Variants in FRYL observed in about 807,000 individuals in gnomAD.
FRYL encodes FRY like transcription coactivator, also known as protein furry homolog-like.
In FRYL, 150 loss-of-function variants were observed where a neutral mutation model predicts 351.2. The observed-to-expected ratio is 0.43, with a 90% CI of 0.37 to 0.49. The LOEUF (loss-of-function observed/expected upper bound fraction) is 0.49. Ranked by LOEUF, FRYL falls within the 20% of genes least tolerant of loss-of-function variation. The probability of loss-of-function intolerance (pLI) is 0.00; values close to 1 mark genes in which losing one functional copy is unlikely to be tolerated. For synonymous variants in FRYL, 1,153 were observed against 1,257.1 expected, an observed-to-expected ratio of 0.92 and a Z score of 1.75; for missense variants, 3,036 against 3,619.3, an observed-to-expected ratio of 0.84 and a Z score of 4.13.
intron 30 of FRYL, among the ~76,000 whole-genome samples, chr4:48,564,426 T>C (rs1736265828): frequency 6.6e-6 from 1 of 152,238 alleles, no homozygotes; most frequent in Non-Finnish European, 1.5e-5. Context: ...ATTATTTTTA[T>C]CAAGCTTTAT....
intron 1 of FRYL, among the ~76,000 whole-genome samples, chr4:48,769,863 T>TCA (rs1292075321): frequency 6.6e-6 from 1 of 152,158 alleles, no homozygotes; most frequent in African/African-American, 2.4e-5. Context: ...TGAGACATTC[T>TCA]CAAAATGATA....
intron 1 of FRYL, among the ~76,000 whole-genome samples, chr4:48,779,817 G>A (rs1020874169): frequency 2.0e-5 from 3 of 150,374 alleles, no homozygotes; most frequent in East Asian, 2.0e-4. Context: ...CGGAACCGCC[G>A]GAGCTCGGGC....
intron 56 of FRYL, among the ~76,000 whole-genome samples, chr4:48,514,714 C>T (rs1489953644): frequency 6.6e-6 from 1 of 152,178 alleles, no homozygotes; most frequent in Non-Finnish European, 1.5e-5. Flanking sequence ...TAACATTTGG[C>T]CATTTGGCAT....
At chr4:48,546,038 G>A (rs1252566593) in intron 42 of FRYL, 29 bp downstream of exon 42, 10 of 1,587,770 alleles carry the variant, frequency 6.3e-6, no homozygotes, top group Non-Finnish European at 8.6e-6. Flanking sequence ...CACATACACT[G>A]CTGGGATGAT....
chr4:48,690,286 C>A (rs1285176934), intron 2 of FRYL, among the ~76,000 whole-genome samples: 1 of 151,944 alleles, frequency 6.6e-6, no homozygotes, highest in Non-Finnish European at 1.5e-5. Context: ...CAGCCTTCAA[C>A]CCTCAATAGA....
Position 48,521,045 on chromosome 4 carries a change from C to T in FRYL, c.7689+3G>A. 1 of 1,606,832 alleles carries T rather than the reference C, an allele frequency of 6.2e-7. No individual in the cohort carries two copies. Among genetic ancestry groups the T allele is most frequent in the Non-Finnish European group, 8.5e-7 (1 of 1,176,264 alleles). On this transcript the variant is annotated splice_donor_region_variant and intron_variant, in intron 55 of 63. Transcript: ENST00000358350. Reference sequence around the variant, plus strand: ...CCATGCACCAGCCTCCATTTCTCCCCACCTCAGGCAGCCGGCTGTTAGCAT... The same window carrying T: ...CCATGCACCAGCCTCCATTTCTCCCTACCTCAGGCAGCCGGCTGTTAGCAT...
intron 60 of FRYL, among the ~76,000 whole-genome samples, chr4:48,504,339 C>T (rs778692936): frequency 6.6e-6 from 1 of 152,036 alleles, no homozygotes; most frequent in Non-Finnish European, 1.5e-5. Context: ...GTTTCCACTT[C>T]GTAGAAAACC....
intron 1 of FRYL, among the ~76,000 whole-genome samples, chr4:48,740,289 ATTTTTTTTTTT>A (rs71191255): frequency 5.1e-5 from 5 of 97,896 alleles, no homozygotes; most frequent in South Asian, 3.8e-4. Flanking sequence ...AAACAATCTG[ATTTTTTTTTTT>A]TTTTTTTTTT....
intron 30 of FRYL, among the ~76,000 whole-genome samples, chr4:48,564,308 C>T (rs1428258964): frequency 1.3e-5 from 2 of 152,160 alleles, no homozygotes; most frequent in Non-Finnish European, 2.9e-5. Flanking sequence ...TCGCTTTTTA[C>T]GCGAGCCTCT....
At chr4:48,651,330 TGTGTGTGTG>T (rs1560789253) in intron 3 of FRYL, among the ~76,000 whole-genome samples, 2 of 137,850 alleles carry the variant, frequency 1.5e-5, no homozygotes, top group Non-Finnish European at 3.2e-5. Flanking sequence ...TGTGTGTGTG[TGTGTGTGTG>T]TAGTGGTAGA....
rs140777128 is a variant in FRYL, at chr4:48,621,194, C to T, written c.175-416G>A. Among the ~76,000 whole-genome samples, 605 of 152,270 alleles carry T rather than the reference C, an allele frequency of 4.0e-3. 4 individuals carry two copies. The highest frequency in any genetic ancestry group is 6.6e-3 in the Non-Finnish European group (449 of 68,002). On this transcript the variant is annotated intron_variant, in intron 5 of 63. Transcript: ENST00000358350. The stretch of plus-strand genomic sequence containing the variant: ...TATTGCCACTACATGGATGAAAAGA[C>T]AGAAACAAAGACTACATTATGTAAG...
Position 48,549,443 on chromosome 4 carries a change from A to G in FRYL, c.4784+30T>C, listed in dbSNP as rs778089286. 1.3e-5 allele frequency: 21 copies of G among 1,579,544 alleles called. No individual in the cohort carries two copies. The highest frequency in any genetic ancestry group is 1.3e-4 in the South Asian group (11 of 85,450). On this transcript the variant is annotated intron_variant, in intron 39 of 63. Transcript: ENST00000358350. This position sits in a 1 kb window ranked among gnomAD's most constrained non-coding sequence, Gnocchi z 4.2. ...ACAGTGTTCAGCAGCAACTTGGTGC[A>G]TATGTAAAAGGAATGACGCTGTAGT...
chr4:48,683,372 A>G (rs1216639335), intron 3 of FRYL, among the ~76,000 whole-genome samples: 1 of 152,018 alleles, frequency 6.6e-6, no homozygotes, highest in African/African-American at 2.4e-5. Flanking sequence ...TACCTATGTA[A>G]CAAACCTGCA....
rs547574917 is a variant in FRYL at position 48,750,408 on chromosome 4, T to C, written c.-384+29670A>G. On this transcript the variant is annotated intron_variant, in intron 1 of 63. Coordinates refer to ENST00000358350, the MANE Select transcript of FRYL (RefSeq NM_015030.2). ...CCTGGGAGGTTGAGGCTGCAGTGAG[T>C]TGAGATTACACCACTGCACTCCAGC... 2.0e-4 allele frequency among the ~76,000 whole-genome samples: 29 copies of C among 146,438 alleles called. No homozygotes were observed. The South Asian group carries it at 6.3e-3, about 32-fold the overall frequency.
intron 3 of FRYL, among the ~76,000 whole-genome samples, chr4:48,658,060 A>C (rs1213735351): frequency 6.6e-6 from 1 of 152,230 alleles, no homozygotes; most frequent in Non-Finnish European, 1.5e-5. Context: ...CATACATACC[A>C]GGAAAAATTC....
rs1158957968 is a variant in FRYL, at chr4:48,499,296, A to ATTAG, written c.*122_*125dup. ...TTTGTTTTTGATGATACAGTTTGAC[A>ATTAG]TTAGTTACACTAAAAAGTAGATGCT... is the stretch of plus-strand genomic sequence containing the variant. On this transcript the variant is annotated 3_prime_UTR_variant, in exon 64 of 64. Coordinates refer to ENST00000358350, the MANE Select transcript of FRYL (RefSeq NM_015030.2). 1.4e-5 allele frequency: 11 copies of ATTAG among 774,030 alleles called. No homozygotes were observed. Among genetic ancestry groups the ATTAG allele is most frequent in the Middle Eastern group, 2.8e-4 (1 of 3,600 alleles). The allele number at this position is 774,030 out of a possible 1,614,324, so 47.9% of individuals were successfully genotyped here.
At chr4:48,771,634 T>G (rs375868607) in intron 1 of FRYL, among the ~76,000 whole-genome samples, 9 of 152,144 alleles carry the variant, frequency 5.9e-5, no homozygotes, top group African/African-American at 2.2e-4. Flanking sequence ...TATACCATCC[T>G]CGGCTATCCA....
In FRYL at chr4:48,515,996, G is replaced by A. The variant is rs182907949; in HGVS notation, c.7690-721C>T. ...ATGACTCAAAATAATTAACCCACTC[G>A]TCCTGTGGGGCTGCCACACAGCAGG... is the stretch of plus-strand genomic sequence containing the variant. On this transcript the variant is annotated intron_variant, in intron 55 of 63. Transcript: ENST00000358350. 1.1e-3 allele frequency among the ~76,000 whole-genome samples: 163 copies of A among 152,102 alleles called. 1 individual carries two copies. Among genetic ancestry groups the A allele is most frequent in the African/African-American group, 3.7e-3 (152 of 41,476 alleles).
intron 55 of FRYL, among the ~76,000 whole-genome samples, chr4:48,515,712 G>A (rs1269283356): frequency 3.3e-5 from 5 of 151,888 alleles, no homozygotes; most frequent in Admixed American, 6.6e-5. Flanking sequence ...TATTTTTAAC[G>A]GTCATAGGTT....
Sources: gnomAD v4.1 joint callset for allele counts (sites outside exome capture counted in the v4.1 genomes callset) on GRCh38, gnomAD v4.1.1 for gene constraint, Gnocchi (gnomAD v3.1) non-coding constraint, MANE v1.5 for transcripts, NCBI Gene and HGNC (gene_info 2026-07-23, HGNC 2026-07-21) for gene names.